TRUB1: variants seen among roughly 807,000 people sequenced by gnomAD.
The protein encoded by TRUB1 is pseudouridylate synthase TRUB1.
Under a neutral mutation model 33.9 loss-of-function variants are expected in TRUB1, and 23 were observed. The observed-to-expected ratio is 0.68, with a 90% CI of 0.49 to 0.96. The LOEUF is 0.96. Ranked by LOEUF, TRUB1 falls within the 40% of genes least tolerant of loss-of-function variation. The pLI, the probability that TRUB1 is intolerant of heterozygous loss-of-function variation, is 0.00. For synonymous variants in TRUB1, 163 were observed against 165.4 expected (o/e 0.99, Z 0.11); for missense variants, 378 against 422.2 (o/e 0.90, Z 0.92).
chr10:114,953,875 C>G (rs1417817141), intron 3 of TRUB1, among the ~76,000 whole-genome samples: 1 of 152,078 alleles, frequency 6.6e-6, no homozygotes, highest in East Asian at 1.9e-4. Flanking sequence ...CGCGTGAACT[C>G]ATTGCAGGGA....
At chr10:114,967,878 G>A (rs1330303895) in intron 4 of TRUB1, among the ~76,000 whole-genome samples, 2 of 152,172 alleles carry the variant, frequency 1.3e-5, no homozygotes, top group East Asian at 1.9e-4. Flanking sequence ...ATAACTTGCT[G>A]TGTAGGCTGC....
intron 2 of TRUB1, among the ~76,000 whole-genome samples, chr10:114,947,759 A>G (rs1318354912): frequency 6.6e-6 from 1 of 152,224 alleles, no homozygotes; most frequent in African/African-American, 2.4e-5. Context: ...TTTATTAACC[A>G]TTTCCCTATT....
chr10:114,970,207 TTTA>T (rs1209412179), intron 4 of TRUB1, among the ~76,000 whole-genome samples, 158 bp from the exon 5 acceptor site: 2 of 152,192 alleles, frequency 1.3e-5, no homozygotes, highest in Admixed American at 1.3e-4. Flanking sequence ...TAATGTATAT[TTTA>T]TTCTTTTTAA....
chr10:114,975,105 TAC>T lies in TRUB1; in HGVS notation c.794-17_794-16del. On this transcript the variant is annotated splice_polypyrimidine_tract_variant and intron_variant, in intron 7 of 7. Transcript: ENST00000298746. The stretch of plus-strand genomic sequence containing the variant: ...TCGTTTATCTTCTGGATTTTTTTTC[TAC>T]CTTTTGTTGCCATAGAACTATCTTC... 2 of 1,588,634 alleles carry T rather than the reference TAC, an allele frequency of 1.3e-6. No homozygotes were observed. Among genetic ancestry groups the T allele is most frequent in the Non-Finnish European group, 8.6e-7 (1 of 1,168,902 alleles).
At chr10:114,953,738 C>G (rs2084247596) in intron 3 of TRUB1, among the ~76,000 whole-genome samples, 1 of 152,028 alleles carries the variant, frequency 6.6e-6, no homozygotes, top group African/African-American at 2.4e-5. Flanking sequence ...GTACAAGAAA[C>G]AAGGTACTGG....
intron 4 of TRUB1, among the ~76,000 whole-genome samples, chr10:114,964,916 A>AT (rs1409312409): frequency 2.7e-5 from 4 of 146,442 alleles, no homozygotes; most frequent in African/African-American, 7.6e-5. Flanking sequence ...TTTCTTATAG[A>AT]TTTTTTTCTA....
intron 4 of TRUB1, 45 bp downstream of exon 4, chr10:114,959,852 A>C: frequency 8.2e-7 from 1 of 1,224,234 alleles, no homozygotes; most frequent in Non-Finnish European, 1.2e-6. Flanking sequence ...ACATTTAGGA[A>C]AAGTTTCTGT....
At chr10:114,956,603 G>T (rs1391925833) in intron 3 of TRUB1, among the ~76,000 whole-genome samples, 1 of 152,080 alleles carries the variant, frequency 6.6e-6, no homozygotes, top group Non-Finnish European at 1.5e-5. Context: ...TCATCGGTTC[G>T]CAGGGTGTGG....
At position 114,942,693 on chromosome 10, in the gene TRUB1, T is replaced by C. The variant is rs1727390286; in HGVS notation, c.335T>C (p.Leu112Ser). 1 of 1,614,118 alleles carries C rather than the reference T, an allele frequency of 6.2e-7. No individual in the cohort carries two copies. Among genetic ancestry groups the C allele is most frequent in the Non-Finnish European group, 8.5e-7 (1 of 1,179,992 alleles). Residue 112 changes from leucine (L) to serine (S), a missense_variant, in exon 2 of 8, where the codon TTG (leucine) becomes TCG (serine). Coordinates refer to ENST00000298746, the MANE Select transcript of TRUB1 (RefSeq NM_139169.5). ...TGGACCAAGAGGAAAAAGCAGACTT[T>C]GAAAATTGGGCATGGAGGGACTCTA... ...PEWTKRKKQT[L>S]KIGHGGTLDS... is the part of the protein sequence containing the mutation.
chr10:114,964,315 TTTG>T (rs199801272), intron 4 of TRUB1, among the ~76,000 whole-genome samples: 25 of 148,634 alleles, frequency 1.7e-4, no homozygotes, highest in African/African-American at 6.3e-4. Flanking sequence ...TTACCCATTT[TTTG>T]TTTTTTCTTT....
intron 4 of TRUB1, among the ~76,000 whole-genome samples, chr10:114,964,374 T>A (rs929832016): frequency 1.3e-5 from 2 of 152,176 alleles, no homozygotes; most frequent in Non-Finnish European, 2.9e-5. Context: ...GAGTTTTTGT[T>A]TTTTATTAAG....
intron 4 of TRUB1, among the ~76,000 whole-genome samples, chr10:114,960,906 A>G (rs2084282394): frequency 6.6e-6 from 1 of 152,132 alleles, no homozygotes; most frequent in Admixed American, 6.5e-5. Context: ...AGTCTCCTGT[A>G]TCTCTGACTC....
chr10:114,962,129 C>T (rs958259179), intron 4 of TRUB1, among the ~76,000 whole-genome samples: 6 of 152,178 alleles, frequency 3.9e-5, no homozygotes, highest in South Asian at 2.1e-4. Flanking sequence ...ACTCTTGGCT[C>T]ACTGTAACCT....
At chr10:114,953,123 G>C (rs2084244564) in intron 3 of TRUB1, among the ~76,000 whole-genome samples, 1 of 152,000 alleles carries the variant, frequency 6.6e-6, no homozygotes, top group Non-Finnish European at 1.5e-5. Context: ...GATTTTACTT[G>C]TAAATTTCAG....
intron 6 of TRUB1, among the ~76,000 whole-genome samples, chr10:114,973,298 A>G (rs374050749): frequency 2.0e-5 from 3 of 152,244 alleles, no homozygotes; most frequent in African/African-American, 7.2e-5. Context: ...AGCAAGAAAA[A>G]ACTCAGATTT....
chr10:114,955,786 T>G (rs1328808993), intron 3 of TRUB1, among the ~76,000 whole-genome samples: 1 of 152,220 alleles, frequency 6.6e-6, no homozygotes, highest in African/African-American at 2.4e-5. Flanking sequence ...GTTTGTACCT[T>G]TTCTATATAC....
Position 114,976,195 on chromosome 10 carries a change from C to CT in TRUB1, c.*819dup, listed in dbSNP as rs1475798883. On this transcript the variant is annotated 3_prime_UTR_variant, in exon 8 of 8. Coordinates refer to ENST00000298746, the MANE Select transcript of TRUB1 (RefSeq NM_139169.5). ...TAAAGAATGTGTCTTCAACTAAAAA[C>CT]TTTATTCTTTAGCATTTATTTATAT... 2.0e-5 allele frequency: 3 copies of CT among 151,046 alleles called. No individual in the cohort carries two copies. Among genetic ancestry groups the CT allele is most frequent in the African/African-American group, 7.4e-5 (3 of 40,448 alleles). The allele number at this position is 151,046 out of a possible 1,614,324, so 9.4% of individuals were successfully genotyped here.
At position 114,951,142 on chromosome 10, in the gene TRUB1, G is replaced by A. The variant is rs139774976; in HGVS notation, c.434G>A (p.Gly145Glu). ...AAAATGTTGACCAGTATGTTGTCAG[G>A]GTCCAAGGTAAGAATACTGAAATAG... ...GTKMLTSMLS[G>E]SKRYTAIGEL... is the part of the protein sequence containing the mutation. The change falls in exon 3 of 8, where the codon GGG (glycine) becomes GAG (glutamate). Residue 145 changes from glycine (G) to glutamate (E), a missense_variant. Physicochemically the swap from Gly to Glu is moderately conservative, Grantham distance 98 (BLOSUM62 -2). Coordinates refer to ENST00000298746, the MANE Select transcript of TRUB1 (RefSeq NM_139169.5). 1.2e-5 allele frequency: 20 copies of A among 1,610,730 alleles called. No individual in the cohort carries two copies. Among genetic ancestry groups the A allele is most frequent in the Admixed American group, 1.7e-5 (1 of 59,806 alleles).
At chr10:114,969,065 A>G (rs2084323182) in intron 4 of TRUB1, among the ~76,000 whole-genome samples, 1 of 151,990 alleles carries the variant, frequency 6.6e-6, no homozygotes, top group African/African-American at 2.4e-5. Context: ...TGAAAATTCT[A>G]AATTTCAGTA....
Sources: gnomAD v4.1 joint callset for allele counts (sites outside exome capture counted in the v4.1 genomes callset) on GRCh38, gnomAD v4.1.1 for gene constraint, MANE v1.5 for transcripts, NCBI Gene and HGNC (gene_info 2026-07-23, HGNC 2026-07-21) for gene names.